BBS9: variants seen among roughly 807,000 people sequenced by gnomAD.
BBS9 encodes the protein Bardet-Biedl syndrome 9.
A neutral mutation model predicts 117.7 loss-of-function variants in BBS9; 89 were observed. That is an observed-to-expected ratio of 0.76 (90% CI 0.64 to 0.90). The LOEUF is 0.90. BBS9 is among the 40% of genes least tolerant of loss of function. BBS9 has a pLI of 0.00. For missense variants in BBS9, 982 were observed against 1,042.2 expected (o/e 0.94, Z 0.80); for synonymous variants, 379 against 370.9 (o/e 1.02, Z -0.25).
At chr7:33,488,881 T>A (rs765619960) in intron 19 of BBS9, among the ~76,000 whole-genome samples, 3 of 152,102 alleles carry the variant, frequency 2.0e-5, no homozygotes, top group Non-Finnish European at 4.4e-5. Context: ...AGTTTTCATA[T>A]GAGGGAATAG....
chr7:33,318,451 T>C (rs1292667010), intron 9 of BBS9, among the ~76,000 whole-genome samples: 1 of 152,190 alleles, frequency 6.6e-6, no homozygotes, highest in East Asian at 1.9e-4. Context: ...GTGAGGTCTC[T>C]TGTAACCATT....
chr7:33,472,364 C>A (rs1222676409), intron 19 of BBS9, among the ~76,000 whole-genome samples: 1 of 152,108 alleles, frequency 6.6e-6, no homozygotes, highest in Non-Finnish European at 1.5e-5. Context: ...AATAGCAAAG[C>A]AAAATTCATA....
At chr7:33,329,314 C>A (rs1813496681) in intron 9 of BBS9, among the ~76,000 whole-genome samples, 2 of 152,112 alleles carry the variant, frequency 1.3e-5, no homozygotes, top group Non-Finnish European at 1.5e-5. Flanking sequence ...AGCCACCGTG[C>A]CTGGCCCTAA....
chr7:33,269,327 C>T (rs1799360465), intron 7 of BBS9, among the ~76,000 whole-genome samples: 1 of 152,192 alleles, frequency 6.6e-6, no homozygotes, highest in Non-Finnish European at 1.5e-5. Flanking sequence ...AGATTTTTCT[C>T]TGTGAAACCA....
chr7:33,596,908 A>G (rs1337265174), intron 21 of BBS9, among the ~76,000 whole-genome samples: 5 of 152,146 alleles, frequency 3.3e-5, no homozygotes, highest in Non-Finnish European at 7.4e-5. Context: ...ACACAAGCAT[A>G]CAGCAGATGC....
intron 7 of BBS9, among the ~76,000 whole-genome samples, chr7:33,268,858 C>T (rs566431101): frequency 2.2e-4 from 33 of 152,158 alleles, no homozygotes; most frequent in African/African-American, 7.7e-4. Flanking sequence ...CACATCAGCC[C>T]GAGGTACAGA....
intron 6 of BBS9, among the ~76,000 whole-genome samples, chr7:33,261,334 C>A (rs913550723): frequency 1.3e-5 from 2 of 152,144 alleles, no homozygotes; most frequent in African/African-American, 4.8e-5. Flanking sequence ...TTCTGTATCC[C>A]CTGAAGTGCC....
At chr7:33,542,735 A>G (rs999269437) in intron 21 of BBS9, among the ~76,000 whole-genome samples, 7 of 134,710 alleles carry the variant, frequency 5.2e-5, no homozygotes, top group Admixed American at 1.4e-4. Flanking sequence ...GTGTGTGTAT[A>G]TGTGTGTGTA....
At chr7:33,371,336 G>A (rs1822829290) in intron 17 of BBS9, among the ~76,000 whole-genome samples, 1 of 151,994 alleles carries the variant, frequency 6.6e-6, no homozygotes, top group Non-Finnish European at 1.5e-5. Flanking sequence ...CTAAGCTGCA[G>A]CCTGATCCAA....
At position 33,368,610 on chromosome 7, in the gene BBS9, A is replaced by ACT. The variant is rs1422697102; in HGVS notation, c.1789+749_1789+750insTC. On this transcript the variant is annotated intron_variant, in intron 17 of 22. Coordinates refer to ENST00000242067, the MANE Select transcript of BBS9 (RefSeq NM_198428.3). ...CACACACACACACACACACACACAC[A>ACT]CACACACCCATACCCCCTTGAAATA... Among the ~76,000 whole-genome samples the ACT allele has an allele frequency of 2.0e-5, 3 of 150,684 alleles. No individual in the cohort carries two copies. In the East Asian group the frequency reaches 5.8e-4, roughly 29 times the overall value.
chr7:33,369,277 G>A (rs1175695009), intron 17 of BBS9, among the ~76,000 whole-genome samples: 1 of 151,988 alleles, frequency 6.6e-6, no homozygotes, highest in African/African-American at 2.4e-5. Context: ...TGCAGTTGAT[G>A]GTGCCATATA....
At chr7:33,370,246 C>T (rs1351591352) in intron 17 of BBS9, among the ~76,000 whole-genome samples, 6 of 151,746 alleles carry the variant, frequency 4.0e-5, no homozygotes, top group Non-Finnish European at 8.8e-5. Context: ...TCGCTTAAGC[C>T]TAGCAGTTCA....
chr7:33,129,295 G>A, upstream of BBS9: 2 of 552,416 alleles, frequency 3.6e-6, no homozygotes, highest in Non-Finnish European at 6.4e-6. Context: ...GGGGGGGCGT[G>A]GCCTGCCCCC....
intron 5 of BBS9, among the ~76,000 whole-genome samples, chr7:33,254,632 G>T (rs920121556): frequency 2.0e-5 from 3 of 152,148 alleles, no homozygotes; most frequent in Non-Finnish European, 2.9e-5. Flanking sequence ...ATAACTGCAA[G>T]TGTATATCAT....
At chr7:33,304,625 C>G (rs1467148561) in intron 9 of BBS9, among the ~76,000 whole-genome samples, 1 of 152,092 alleles carries the variant, frequency 6.6e-6, no homozygotes, top group Admixed American at 6.5e-5. Flanking sequence ...TGCAGGTGTA[C>G]CCAACAGCTT....
At chr7:33,581,580 C>T (rs1237411727) in intron 21 of BBS9, among the ~76,000 whole-genome samples, 1 of 152,110 alleles carries the variant, frequency 6.6e-6, no homozygotes, top group South Asian at 2.1e-4. Context: ...AAACGGAGCC[C>T]AGCTGATAAA....
At chr7:33,319,700 A>G (rs750720930) in intron 9 of BBS9, among the ~76,000 whole-genome samples, 1 of 152,204 alleles carries the variant, frequency 6.6e-6, no homozygotes, top group Non-Finnish European at 1.5e-5. Context: ...AAACAAAGAT[A>G]GATTGGTGAG....
intron 9 of BBS9, among the ~76,000 whole-genome samples, chr7:33,305,966 C>A (rs1175658165): frequency 6.6e-6 from 1 of 151,854 alleles, no homozygotes; most frequent in Admixed American, 6.6e-5. Flanking sequence ...TTTGCTCTTG[C>A]TTTTGTAGTT....
intron 20 of BBS9, among the ~76,000 whole-genome samples, chr7:33,521,405 G>A (rs1193692102): frequency 6.6e-6 from 1 of 152,126 alleles, no homozygotes; most frequent in Non-Finnish European, 1.5e-5. Flanking sequence ...AAAATGGTGT[G>A]GATAAACTTG....
Sources: allele counts gnomAD v4.1 joint callset (sites outside exome capture counted in the v4.1 genomes callset), GRCh38; gene constraint gnomAD v4.1.1; transcripts MANE v1.5; gene names NCBI Gene and HGNC (gene_info 2026-07-23, HGNC 2026-07-21).